Variants in SLC29A4 observed in about 807,000 individuals in gnomAD.
The protein encoded by SLC29A4 is equilibrative nucleoside transporter 4.
Under a neutral mutation model 43.9 loss-of-function variants are expected in SLC29A4, and 36 were observed. The ratio of observed to expected loss-of-function variants is 0.82; its 90% CI spans 0.63 to 1.08. The LOEUF is 1.08. Ranked by LOEUF, SLC29A4 falls within the 50% of genes least tolerant of loss-of-function variation. The pLI, the probability that SLC29A4 is intolerant of heterozygous loss-of-function variation, is 0.00. For synonymous variants in SLC29A4, 491 were observed against 338.0 expected (o/e 1.45, Z -4.97); for missense variants, 869 against 755.3 (o/e 1.15, Z -1.77).
chr7:5,298,769 C>T (rs745843876), intron 7 of SLC29A4, among the ~76,000 whole-genome samples: 2 of 152,186 alleles, frequency 1.3e-5, no homozygotes, highest in Non-Finnish European at 1.5e-5. Context: ...CACTGCACTC[C>T]AGCCTCGGCA....
At chr7:5,295,190 A>G (rs746685304) in intron 6 of SLC29A4, among the ~76,000 whole-genome samples, 1 of 152,010 alleles carries the variant, frequency 6.6e-6, no homozygotes, top group Non-Finnish European at 1.5e-5. Flanking sequence ...ATCCTTTGTG[A>G]TCGGGGAAGC....
chr7:5,292,393 C>T (rs1785363448), intron 5 of SLC29A4, among the ~76,000 whole-genome samples: 1 of 152,160 alleles, frequency 6.6e-6, no homozygotes, highest in South Asian at 2.1e-4. Flanking sequence ...GTATTACAGG[C>T]ATGAGCCATC....
intron 6 of SLC29A4, among the ~76,000 whole-genome samples, chr7:5,295,948 C>T (rs1297872050): frequency 6.6e-6 from 1 of 152,052 alleles, no homozygotes; most frequent in African/African-American, 2.4e-5. Context: ...CCACCATGGC[C>T]CACCATGGCC....
At position 5,288,010 on chromosome 7, in the gene SLC29A4, C is replaced by T. The variant is rs372823906; in HGVS notation, c.169+25C>T. ...AGTAAGTAGGCGTGCGGGCAAGGTGCGGGTCTTGCCCCAAAGCAGGCTGGG... is the reference window on the plus strand; with the variant it reads ...AGTAAGTAGGCGTGCGGGCAAGGTGTGGGTCTTGCCCCAAAGCAGGCTGGG... On this transcript the variant is annotated intron_variant, in intron 2 of 10. Coordinates refer to ENST00000396872, the MANE Select transcript of SLC29A4 (RefSeq NM_153247.4). The T allele has an allele frequency of 2.2e-4, 344 of 1,588,722 alleles. 1 individual carries two copies. In the African/African-American group the frequency reaches 3.7e-3, roughly 17 times the overall value.
In SLC29A4 at chr7:5,291,716, C is replaced by T; in HGVS notation, c.439C>T (p.Leu147Phe). Reference protein sequence around the residue: ...TAGYLLALGPLLFISICDVWL... With the variant: ...TAGYLLALGPFLFISICDVWL... Reference sequence around the variant, plus strand: ...AGGCTACCTCTTAGCCTTGGGCCCTCTCCTTTTTATCAGCATCTGCGACGT... The same window carrying T: ...AGGCTACCTCTTAGCCTTGGGCCCTTTCCTTTTTATCAGCATCTGCGACGT... Residue 147 changes from leucine (L) to phenylalanine (F), a missense_variant, in exon 5 of 11, where the codon CTC becomes TTC. Physicochemically the swap from Leu to Phe is conservative, Grantham distance 22. Coordinates refer to ENST00000396872, the MANE Select transcript of SLC29A4 (RefSeq NM_153247.4). 1.2e-6 allele frequency: 2 copies of T among 1,611,850 alleles called. No homozygotes were observed. The highest frequency in any genetic ancestry group is 1.7e-6 in the Non-Finnish European group (2 of 1,179,740).
intron 7 of SLC29A4, 82 bp downstream of exon 7, chr7:5,297,280 C>T (rs1785774552): frequency 7.1e-7 from 1 of 1,405,924 alleles, no homozygotes; most frequent in Non-Finnish European, 9.4e-7. Flanking sequence ...ACCTGGGGCC[C>T]AGCCTCTCAC....
rs185841362 is a variant in SLC29A4, at chr7:5,306,421, C to T, written c.*3482C>T. On this transcript the variant is annotated 3_prime_UTR_variant, in exon 11 of 11. Transcript: ENST00000396872. Reference sequence around the variant, plus strand: ...CATTGCTCAGGCTGGTCTGAAACTCCTGGCCTGAAGTGATCCTCCCGCCTC... The same window carrying T: ...CATTGCTCAGGCTGGTCTGAAACTCTTGGCCTGAAGTGATCCTCCCGCCTC... 1 of 151,964 alleles carries T rather than the reference C, an allele frequency of 6.6e-6. No homozygotes were observed. Among genetic ancestry groups the T allele is most frequent in the East Asian group, 2.0e-4 (1 of 5,122 alleles). 9.4% of individuals were successfully genotyped at this position (151,964 alleles called of 1,614,324 possible).
intron 1 of SLC29A4, among the ~76,000 whole-genome samples, chr7:5,287,416 TGAAAAAAAAAAAAAAA>T (rs1247734295): frequency 1.4e-5 from 2 of 137,972 alleles, no homozygotes; most frequent in Admixed American, 7.2e-5. Context: ...AGACCCTGTC[TGAAAAAAAAAAAAAAA>T]GAAAAAAAAG....
Position 5,303,447 on chromosome 7 carries a change from GC to G in SLC29A4, c.*509del, listed in dbSNP as rs1010662795. 2 of 174,954 alleles carry G rather than the reference GC, an allele frequency of 1.1e-5. No homozygotes were observed. The highest frequency in any genetic ancestry group is 4.8e-5 in the African/African-American group (2 of 41,684). 10.8% of individuals were successfully genotyped at this position (174,954 alleles called of 1,614,324 possible). On this transcript the variant is annotated 3_prime_UTR_variant, in exon 11 of 11. Coordinates refer to ENST00000396872, the MANE Select transcript of SLC29A4 (RefSeq NM_153247.4). ...AGCCCCCCACCTTGTCACCCTCAGG[GC>G]TTCCCCTTCTGTCCTCATTCTTAGA...
At chr7:5,289,630 A>G (rs913747848) in intron 2 of SLC29A4, among the ~76,000 whole-genome samples, 2 of 152,082 alleles carry the variant, frequency 1.3e-5, no homozygotes, top group Non-Finnish European at 1.5e-5. Flanking sequence ...CAGCAGCACC[A>G]GGGCTAGGGT....
At chr7:5,293,316 C>T (rs1255851876) in intron 5 of SLC29A4, among the ~76,000 whole-genome samples, 3 of 151,530 alleles carry the variant, frequency 2.0e-5, no homozygotes, top group South Asian at 2.1e-4. Context: ...GGACTGCAGG[C>T]GCCCGCCACC....
intron 1 of SLC29A4, among the ~76,000 whole-genome samples, chr7:5,284,847 C>T (rs1367571825): frequency 1.3e-5 from 2 of 152,236 alleles, no homozygotes; most frequent in African/African-American, 2.4e-5. Context: ...CAAGCACGTC[C>T]GCCTTCCTGG....
intron 10 of SLC29A4, among the ~76,000 whole-genome samples, chr7:5,302,117 ATGTT>A (rs1369024086): frequency 5.3e-5 from 8 of 152,060 alleles, no homozygotes; most frequent in Admixed American, 1.3e-4. Flanking sequence ...TACCTGGCGA[ATGTT>A]TGTATTTTTA....
intron 1 of SLC29A4, among the ~76,000 whole-genome samples, chr7:5,283,413 C>T (rs532930539): frequency 6.6e-6 from 1 of 152,130 alleles, no homozygotes; most frequent in South Asian, 2.1e-4. Flanking sequence ...CCCCTGCCCC[C>T]GCCGGCCCCT....
intron 1 of SLC29A4, among the ~76,000 whole-genome samples, chr7:5,286,965 G>A (rs911250469): frequency 2.6e-5 from 4 of 152,212 alleles, no homozygotes; most frequent in Non-Finnish European, 5.9e-5. Flanking sequence ...TCCTGGCATC[G>A]TACCGCCAAA....
chr7:5,290,757 C>T lies in SLC29A4; in HGVS notation c.195C>T (p.Asp65=), dbSNP rs746826929. 2.2e-5 allele frequency: 36 copies of T among 1,613,284 alleles called. No homozygotes were observed. The East Asian group carries it at 8.0e-4, about 36-fold the overall frequency. Reference sequence around the variant, plus strand: ...CATTGGACGAGCCAGTGCCCGATGACCGTTATCACGCCATCTACTTTGCGA... The same window carrying T: ...CATTGGACGAGCCAGTGCCCGATGATCGTTATCACGCCATCTACTTTGCGA... ...DTTLDEPVPD[D]RYHAIYFAML... The change falls in exon 3 of 11, where the codon GAC becomes GAT. Residue 65 remains aspartate, a synonymous_variant. Coordinates refer to ENST00000396872, the MANE Select transcript of SLC29A4 (RefSeq NM_153247.4).
In SLC29A4 at chr7:5,285,577, C is replaced by T. The variant is rs1039999846; in HGVS notation, c.-8-2232C>T. Among the ~76,000 whole-genome samples the T allele has an allele frequency of 1.2e-4, 18 of 152,274 alleles. No homozygotes were observed. The East Asian group carries it at 3.5e-3, about 29-fold the overall frequency. On this transcript the variant is annotated intron_variant, in intron 1 of 10. Coordinates refer to ENST00000396872, the MANE Select transcript of SLC29A4 (RefSeq NM_153247.4). Reference sequence around the variant, plus strand: ...GAGCTAGAAGAGGGGGACATGGGGTCACAGGGAGGTGCTTGGTAACTGATC... The same window carrying T: ...GAGCTAGAAGAGGGGGACATGGGGTTACAGGGAGGTGCTTGGTAACTGATC...
At position 5,297,131 on chromosome 7, in the gene SLC29A4, G is replaced by T. The variant is rs1217146317; in HGVS notation, c.815G>T (p.Arg272Met). 4 of 1,605,908 alleles carry T rather than the reference G, an allele frequency of 2.5e-6. No individual in the cohort carries two copies. The highest frequency in any genetic ancestry group is 1.1e-5 in the South Asian group (1 of 91,014). ...CGGCCGCGTGACAGCCACCGGGGCA[G>T]GCCAGGCCTGGGCAGGGGCTATGGC... The part of the protein sequence containing the change: ...TTRPRDSHRG[R>M]PGLGRGYGYR... The change falls in exon 7 of 11, where the codon AGG becomes ATG. Residue 272 changes from arginine to methionine, a missense_variant. Arg to Met is a moderately conservative substitution (Grantham distance 91, BLOSUM62 -1). Coordinates refer to ENST00000396872, the MANE Select transcript of SLC29A4 (RefSeq NM_153247.4).
Position 5,296,930 on chromosome 7 carries a change from C to T in SLC29A4, c.620-6C>T, listed in dbSNP as rs756017178. The T allele has an allele frequency of 3.8e-6, 6 of 1,587,890 alleles. No homozygotes were observed. The East Asian group carries it at 6.7e-5, about 18-fold the overall frequency. ...CAGGCCCCGGCCCACTGTGCACGCC[C>T]CCCAGGCACGGCGGGCGTGATGATC... On this transcript the variant is annotated splice_polypyrimidine_tract_variant and splice_region_variant and intron_variant, in intron 6 of 10. Transcript: ENST00000396872.
Sources: gnomAD v4.1 joint callset for allele counts (sites outside exome capture counted in the v4.1 genomes callset) on GRCh38, gnomAD v4.1.1 for gene constraint, MANE v1.5 for transcripts, NCBI Gene and HGNC (gene_info 2026-07-23, HGNC 2026-07-21) for gene names.